The following TTK variants were observed in gnomAD, a reference collection of about 807,000 sequenced individuals.
TTK encodes TTK protein kinase.
Under a neutral mutation model 117.3 loss-of-function variants are expected in TTK, and 59 were observed. The ratio of observed to expected loss-of-function variants is 0.50; its 90% CI spans 0.41 to 0.62. The LOEUF (loss-of-function observed/expected upper bound fraction) is 0.62, where lower values mean the gene tolerates loss of function less well. Ranked by LOEUF, TTK falls within the 20% of genes least tolerant of loss-of-function variation. TTK has a pLI of 0.00. For synonymous variants in TTK, 302 were observed against 325.0 expected, an observed-to-expected ratio of 0.93 and a Z score of 0.76; for missense variants, 921 against 989.4, an observed-to-expected ratio of 0.93 and a Z score of 0.93.
intron 2 of TTK, among the ~76,000 whole-genome samples, chr6:80,007,343 A>G (rs2127714232): frequency 6.6e-6 from 1 of 152,242 alleles, no homozygotes; most frequent in Non-Finnish European, 1.5e-5. Context: ...TTGAATGGTT[A>G]AGGTTGTAAA....
chr6:80,039,422 A>T (rs1407168263), intron 18 of TTK, among the ~76,000 whole-genome samples: 1 of 151,806 alleles, frequency 6.6e-6, no homozygotes, highest in Non-Finnish European at 1.5e-5. Context: ...TTAATTTTAT[A>T]TTTTCACAAG....
chr6:80,013,256 T>C, intron 8 of TTK, 23 bp from the exon 9 acceptor site: 1 of 1,562,974 alleles, frequency 6.4e-7, no homozygotes, highest in South Asian at 1.2e-5. Context: ...AATGTTAAAA[T>C]TATTTTGTTT....
chr6:80,027,759 A>G, intron 12 of TTK, 126 bp from the exon 13 acceptor site: 1 of 624,824 alleles, frequency 1.6e-6, no homozygotes, highest in Non-Finnish European at 2.5e-6. Context: ...TATATCATGA[A>G]AACTAACTTG....
intron 11 of TTK, among the ~76,000 whole-genome samples, 168 bp downstream of exon 11, chr6:80,022,640 T>C (rs1291126603): frequency 2.0e-5 from 3 of 152,260 alleles, no homozygotes; most frequent in Non-Finnish European, 4.4e-5. Context: ...GTAGCAGTCA[T>C]ACGTTCAGTA....
chr6:80,040,898 A>G (rs377295602), intron 21 of TTK, among the ~76,000 whole-genome samples, 195 bp downstream of exon 21: 123 of 151,976 alleles, frequency 8.1e-4, no homozygotes, highest in African/African-American at 2.8e-3. Context: ...TTCTGCATAC[A>G]GTACAGTTCA....
chr6:80,027,133 CT>C (rs1767628315), intron 12 of TTK, among the ~76,000 whole-genome samples: 1 of 152,102 alleles, frequency 6.6e-6, no homozygotes, highest in Admixed American at 6.6e-5. Flanking sequence ...GTGGCTATAT[CT>C]TTAATGTCTT....
At position 80,040,245 on chromosome 6, in the gene TTK, T is replaced by A; in HGVS notation, c.2357T>A (p.Leu786Gln). Residue 786 changes from leucine to glutamine, a missense_variant, in exon 20 of 22, where the codon CTG becomes CAG. Physicochemically the swap from Leu to Gln is moderately radical, Grantham distance 113 (BLOSUM62 -2). Transcript: ENST00000369798. ...CAGAGGATATCCATTCCTGAGCTCC[T>A]GGCTCATCCATATGTTCAAATTCAA... is the stretch of plus-strand genomic sequence containing the variant. ...PKQRISIPEL[L>Q]AHPYVQIQTH... 1 of 1,593,518 alleles carries A rather than the reference T, an allele frequency of 6.3e-7. No homozygotes were observed.
intron 12 of TTK, among the ~76,000 whole-genome samples, 178 bp downstream of exon 12, chr6:80,026,692 G>T (rs991855223): frequency 6.6e-6 from 1 of 152,170 alleles, no homozygotes; most frequent in East Asian, 1.9e-4. Context: ...GGAAGTGGTT[G>T]CAATAATGCA....
At position 80,007,794 on chromosome 6, in the gene TTK, G is replaced by C; in HGVS notation, c.140-15G>C. 1.9e-6 allele frequency: 3 copies of C among 1,583,130 alleles called. No individual in the cohort carries two copies. The highest frequency in any genetic ancestry group is 2.6e-6 in the Non-Finnish European group (3 of 1,163,438). ...TATGTCTTTTCTTGTGATATATTTT[G>C]TTCCCCTTATTTAGATAACTCGGGA... On this transcript the variant is annotated splice_polypyrimidine_tract_variant and intron_variant, in intron 2 of 21. Coordinates refer to ENST00000369798, the MANE Select transcript of TTK (RefSeq NM_003318.5).
At chr6:80,035,918 T>C (rs1332917081) in intron 16 of TTK, among the ~76,000 whole-genome samples, 1 of 152,128 alleles carries the variant, frequency 6.6e-6, no homozygotes, top group Non-Finnish European at 1.5e-5. Flanking sequence ...TATTTTTTTG[T>C]TCTTAATAAC....
chr6:80,010,024 T>G (rs1289896994), intron 4 of TTK, among the ~76,000 whole-genome samples: 4 of 152,102 alleles, frequency 2.6e-5, no homozygotes, highest in Non-Finnish European at 5.9e-5. Flanking sequence ...TAAAAATTTA[T>G]AAACTACCAG....
At chr6:80,023,421 G>A (rs983107963) in intron 11 of TTK, among the ~76,000 whole-genome samples, 3 of 152,086 alleles carry the variant, frequency 2.0e-5, no homozygotes, top group South Asian at 2.1e-4. Context: ...GTGAAACCCT[G>A]TCTCTACTAA....
chr6:80,029,615 C>T (rs571017494), intron 13 of TTK, among the ~76,000 whole-genome samples: 8 of 152,234 alleles, frequency 5.3e-5, no homozygotes, highest in Admixed American at 3.9e-4. Context: ...AGAACTGAAA[C>T]GAGGCCACAG....
Position 80,014,538 on chromosome 6 carries a change from A to C in TTK, c.1060A>C (p.Ile354Leu). Reference sequence around the variant, plus strand: ...TTCTGAACTTATTATTACTGATTCAATAACCCTGAAGAATAAAACGGAATC... The same window carrying C: ...TTCTGAACTTATTATTACTGATTCACTAACCCTGAAGAATAAAACGGAATC... ...KSSELIITDS[I>L]TLKNKTESSL... Residue 354 changes from isoleucine to leucine, a missense_variant, in exon 10 of 22, where the codon ATA becomes CTA. Ile to Leu is a conservative substitution (Grantham distance 5). Coordinates refer to ENST00000369798, the MANE Select transcript of TTK (RefSeq NM_003318.5). 6.2e-7 allele frequency: 1 copy of C among 1,608,884 alleles called. No homozygotes were observed. Among genetic ancestry groups the C allele is most frequent in the African/African-American group, 1.3e-5 (1 of 74,846 alleles).
chr6:80,027,329 A>G (rs1412209811), intron 12 of TTK, among the ~76,000 whole-genome samples: 1 of 152,250 alleles, frequency 6.6e-6, no homozygotes, highest in Non-Finnish European at 1.5e-5. Flanking sequence ...TAACTAAAAT[A>G]GCGATAATAG....
chr6:80,040,220 CAG>C lies in TTK; in HGVS notation c.2335_2336del (p.Arg779AspfsTer5). ...GTGTTGTTTAAAAAGGGACCCAAAA[CAG>C]AGGATATCCATTCCTGAGCTCCTGG... ...LKCCLKRDPK[Q>X]RISIPELLAH... On this transcript the variant is annotated frameshift_variant, in exon 20 of 22. Transcript: ENST00000369798. LOFTEE classifies it high-confidence loss of function. The C allele has an allele frequency of 2.5e-6, 4 of 1,590,524 alleles. No individual in the cohort carries two copies. Among genetic ancestry groups the C allele is most frequent in the East Asian group, 2.3e-5 (1 of 43,836 alleles).
intron 20 of TTK, 63 bp from the exon 21 acceptor site, chr6:80,040,543 T>C (rs1768020474): frequency 7.1e-7 from 1 of 1,408,550 alleles, no homozygotes; most frequent in South Asian, 1.3e-5. Context: ...AAACAAAATG[T>C]GTATTTACAA....
At chr6:80,018,925 G>GT (rs1582096574) in intron 10 of TTK, among the ~76,000 whole-genome samples, 1 of 151,908 alleles carries the variant, frequency 6.6e-6, no homozygotes, top group Admixed American at 6.6e-5. Context: ...TTTATCAGAT[G>GT]TTTTTTCTGC....
chr6:80,008,160 A>G (rs1168235927), intron 3 of TTK, 129 bp downstream of exon 3: 13 of 1,179,546 alleles, frequency 1.1e-5, no homozygotes, highest in African/African-American at 1.6e-5. Flanking sequence ...ACTTTTGCTT[A>G]TAGTTAACAA....
Sources: allele counts gnomAD v4.1 joint callset (sites outside exome capture counted in the v4.1 genomes callset), GRCh38; gene constraint gnomAD v4.1.1; transcripts MANE v1.5; gene names NCBI Gene and HGNC (gene_info 2026-07-23, HGNC 2026-07-21).